The following ACSM1 variants were observed in gnomAD, a reference collection of about 807,000 sequenced individuals.
ACSM1 encodes the protein acyl-CoA synthetase medium chain family member 1, also known as acyl-coenzyme A synthetase ACSM1, mitochondrial.
Under a neutral mutation model 75.8 loss-of-function variants are expected in ACSM1, and 79 were observed. The ratio of observed to expected loss-of-function variants is 1.04; its 90% confidence interval spans 0.87 to 1.26. ACSM1 has a LOEUF of 1.26. Ranked by LOEUF, ACSM1 falls within the 50% of genes most tolerant of loss-of-function variation. The pLI is 0.00. For missense variants in ACSM1, 676 were observed against 720.1 expected, an observed-to-expected ratio of 0.94 and a Z score of 0.70; for synonymous variants, 279 against 265.8, an observed-to-expected ratio of 1.05 and a Z score of -0.48.
chr16:20,673,662 G>A lies in ACSM1; in HGVS notation c.612-1991C>T, dbSNP rs2020094421. 2.0e-5 allele frequency among the ~76,000 whole-genome samples: 3 copies of A among 152,126 alleles called. No homozygotes were observed. The South Asian group carries it at 6.2e-4, about 32-fold the overall frequency. On this transcript the variant is annotated intron_variant, in intron 4 of 13. Coordinates refer to ENST00000520010, the MANE Select transcript of ACSM1 (RefSeq NM_001318890.3). The stretch of plus-strand genomic sequence containing the variant: ...GTCTCTGAAGGCACCCAGTCCCTGG[G>A]AGATGGAAAGAGTTTGCTCCCAAAG...
chr16:20,695,406 A>ATAGGGAAGCTCTTATAGAG (rs1470063382), intron 1 of ACSM1, among the ~76,000 whole-genome samples: 1 of 152,200 alleles, frequency 6.6e-6, no homozygotes, highest in Non-Finnish European at 1.5e-5. Flanking sequence ...AACACACTTT[A>ATAGGGAAGCTCTTATAGAG]TAGGGAAGCT....
chr16:20,626,592 G>A (rs1399461332), intron 11 of ACSM1, among the ~76,000 whole-genome samples: 1 of 151,474 alleles, frequency 6.6e-6, no homozygotes, highest in Non-Finnish European at 1.5e-5. Flanking sequence ...AGTAAAATAG[G>A]GATAATAATC....
At chr16:20,654,576 A>C (rs1157354512) in intron 7 of ACSM1, among the ~76,000 whole-genome samples, 1 of 152,224 alleles carries the variant, frequency 6.6e-6, no homozygotes, top group Non-Finnish European at 1.5e-5. Flanking sequence ...AAACCCCATC[A>C]AAAAGTGGGC....
intron 3 of ACSM1, among the ~76,000 whole-genome samples, chr16:20,684,926 A>G (rs2079518872): frequency 1.3e-5 from 2 of 152,072 alleles, no homozygotes; most frequent in South Asian, 2.1e-4. Context: ...TGTGAGGGAG[A>G]GAATAAGAGA....
At chr16:20,623,693 T>C in intron 13 of ACSM1, 121 bp from the exon 14 acceptor site, 1 of 984,174 alleles carries the variant, frequency 1.0e-6, no homozygotes, top group Non-Finnish European at 1.5e-6. Context: ...TATGGTGGCC[T>C]TAATGGAGTC....
intron 7 of ACSM1, among the ~76,000 whole-genome samples, chr16:20,656,816 G>T (rs2018987750): frequency 6.6e-6 from 1 of 151,756 alleles, no homozygotes; most frequent in Non-Finnish European, 1.5e-5. Context: ...CACGGAAGAG[G>T]TGGGCATGTA....
intron 10 of ACSM1, among the ~76,000 whole-genome samples, chr16:20,634,038 C>A (rs1467648521): frequency 6.6e-6 from 1 of 152,162 alleles, no homozygotes; most frequent in Non-Finnish European, 1.5e-5. Context: ...ACAGACAGAT[C>A]ATTGCAATAG....
At chr16:20,687,174 T>G (rs1483746062) in intron 2 of ACSM1, among the ~76,000 whole-genome samples, 2 of 152,008 alleles carry the variant, frequency 1.3e-5, no homozygotes, top group African/African-American at 4.8e-5. Context: ...GCAGGTCAGA[T>G]AGAAACCATG....
chr16:20,653,252 C>T (rs2018752788), intron 7 of ACSM1, among the ~76,000 whole-genome samples: 1 of 152,130 alleles, frequency 6.6e-6, no homozygotes, highest in African/African-American at 2.4e-5. Context: ...TGGGACATAT[C>T]TCAAAATAAT....
intron 10 of ACSM1, among the ~76,000 whole-genome samples, chr16:20,628,109 T>C (rs1015595413): frequency 6.6e-6 from 1 of 151,760 alleles, no homozygotes; most frequent in Non-Finnish European, 1.5e-5. Flanking sequence ...GAGTCTAGTA[T>C]GTTTTTAAGT....
rs528907828 is a variant in ACSM1 at position 20,623,445 on chromosome 16, A to G, written c.*41T>C. ...AGTGGGGAGACTAAAGTGGCCAGGG[A>G]TTTGCCTTAGGTGTGCAGTGCGTTC... On this transcript the variant is annotated 3_prime_UTR_variant, in exon 14 of 14. Coordinates refer to ENST00000520010, the MANE Select transcript of ACSM1 (RefSeq NM_001318890.3). The G allele has an allele frequency of 3.8e-6, 6 of 1,586,026 alleles. No homozygotes were observed. The South Asian group carries it at 4.4e-5, about 12-fold the overall frequency.
chr16:20,627,816 G>T (rs1380323055), intron 10 of ACSM1, among the ~76,000 whole-genome samples: 3 of 144,658 alleles, frequency 2.1e-5, no homozygotes, highest in African/African-American at 7.9e-5. Context: ...GCAACAGAGT[G>T]AGACTTCATC....
At position 20,623,410 on chromosome 16, in the gene ACSM1, T is replaced by G; in HGVS notation, c.*76A>C. 7.6e-7 allele frequency: 1 copy of G among 1,308,304 alleles called. No homozygotes were observed. The highest frequency in any genetic ancestry group is 1.1e-6 in the Non-Finnish European group (1 of 907,004). The allele number at this position is 1,308,304 out of a possible 1,614,324, so 81.0% of individuals were successfully genotyped here. ...CAACACTCTCAATGCCCCACCCTCG[T>G]CCTCACCATAGTGGGGAGACTAAAG... On this transcript the variant is annotated 3_prime_UTR_variant, in exon 14 of 14. Transcript: ENST00000520010.
In ACSM1 at chr16:20,679,587, A is replaced by G. The variant is rs1374413774; in HGVS notation, c.611+2669T>C. On this transcript the variant is annotated intron_variant, in intron 4 of 13. Coordinates refer to ENST00000520010, the MANE Select transcript of ACSM1 (RefSeq NM_001318890.3). ...GTGTAAGCATGTTTCTATTACATAC[A>G]CTAATGTTGTTACCATTTCTGCCTA... The G allele has an allele frequency of 2.6e-5, 4 of 152,182 alleles. No individual in the cohort carries two copies. The South Asian group carries it at 8.3e-4, about 32-fold the overall frequency. The allele number at this position is 152,182 out of a possible 1,614,324, so 9.4% of individuals were successfully genotyped here.
chr16:20,627,918 A>G (rs2017086322), intron 10 of ACSM1, among the ~76,000 whole-genome samples: 1 of 103,750 alleles, frequency 9.6e-6, no homozygotes, highest in Admixed American at 1.1e-4. Flanking sequence ...ATATATATAT[A>G]TATATTCATT....
intron 4 of ACSM1, among the ~76,000 whole-genome samples, chr16:20,677,349 A>C (rs1274637818): frequency 1.3e-5 from 2 of 152,228 alleles, no homozygotes; most frequent in Non-Finnish European, 2.9e-5. Context: ...AACTCAAGCC[A>C]TAAGGTCATG....
intron 1 of ACSM1, among the ~76,000 whole-genome samples, chr16:20,692,930 G>A (rs1567316637): frequency 1.3e-5 from 2 of 152,084 alleles, no homozygotes; most frequent in African/African-American, 2.4e-5. Flanking sequence ...CAGCCCTTTG[G>A]GAGGCTGAGG....
chr16:20,626,366 A>G (rs1483563943), intron 11 of ACSM1, among the ~76,000 whole-genome samples: 3 of 151,810 alleles, frequency 2.0e-5, no homozygotes, highest in Admixed American at 2.0e-4. Context: ...AAAATAAAAT[A>G]AAAAATAAAA....
chr16:20,642,271 G>A (rs918323204), intron 7 of ACSM1, among the ~76,000 whole-genome samples: 3 of 152,080 alleles, frequency 2.0e-5, no homozygotes. Context: ...TTGAATGTGA[G>A]GAACAGGAAA....
Sources: allele counts gnomAD v4.1 joint callset (sites outside exome capture counted in the v4.1 genomes callset), GRCh38; gene constraint gnomAD v4.1.1; transcripts MANE v1.5; gene names NCBI Gene and HGNC (gene_info 2026-07-23, HGNC 2026-07-21).